ASXL1: variants seen among roughly 807,000 people sequenced by gnomAD.
The protein encoded by ASXL1 is polycomb group protein ASXL1.
ASXL1 carries 65 observed loss-of-function variants against 89.1 expected under a neutral mutation model. The ratio of observed to expected loss-of-function variants is 0.73; its 90% confidence interval spans 0.60 to 0.90. The LOEUF (loss-of-function observed/expected upper bound fraction) is 0.90, where lower values mean the gene tolerates loss of function less well. Among genes scored for constraint, ASXL1 ranks in the 40% least tolerant of loss-of-function variants. ASXL1 has a pLI of 0.00. For missense variants in ASXL1, 1,786 were observed against 1,942.9 expected (o/e 0.92, Z 1.52); for synonymous variants, 739 against 746.9 (o/e 0.99, Z 0.17).
intron 4 of ASXL1, among the ~76,000 whole-genome samples, chr20:32,401,597 C>A (rs1360678237): frequency 6.7e-6 from 1 of 148,428 alleles, no homozygotes; most frequent in African/African-American, 2.5e-5. Flanking sequence ...CTCTCGTCAC[C>A]CAGACTAGGG....
intron 4 of ASXL1, among the ~76,000 whole-genome samples, chr20:32,418,144 C>T (rs1210228429): frequency 2.6e-5 from 4 of 151,870 alleles, no homozygotes; most frequent in Non-Finnish European, 5.9e-5. Flanking sequence ...AGCCACTGTA[C>T]TCCAGCCCAG....
chr20:32,359,989 G>T, intron 1 of ASXL1: 1 of 561,368 alleles, frequency 1.8e-6, no homozygotes, highest in Non-Finnish European at 3.2e-6. Context: ...TTGTAATTCA[G>T]TTTTAATGAT....
intron 10 of ASXL1, 45 bp downstream of exon 10, chr20:32,431,724 G>C (rs750439650): frequency 6.3e-7 from 1 of 1,584,274 alleles, no homozygotes; most frequent in South Asian, 1.1e-5. Context: ...CGCACCTGTC[G>C]TGTGGTGTTG....
In ASXL1 at chr20:32,436,118, G is replaced by C. The variant is rs766691864; in HGVS notation, c.3406G>C (p.Val1136Leu). ...TGACAGCATGTCAGAATCCCCACAA[G>C]TACCACTTACAAAAGACCAGAGCCA... The part of the protein sequence containing the change: ...HDDSMSESPQ[V>L]PLTKDQSHGS... Residue 1136 changes from valine (V) to leucine (L), a missense_variant, in exon 13 of 13, where the codon GTA becomes CTA. This residue lies in a region of ASXL1 where 1,418 missense variants were observed against 1,427.8 expected (regional missense o/e 0.99). Coordinates refer to ENST00000375687, the MANE Select transcript of ASXL1 (RefSeq NM_015338.6). The C allele has an allele frequency of 8.1e-6, 13 of 1,614,166 alleles. No homozygotes were observed. Among genetic ancestry groups the C allele is most frequent in the Non-Finnish European group, 1.1e-5 (13 of 1,180,038 alleles).
Position 32,433,299 on chromosome 20 carries a change from A to G in ASXL1, c.1101A>G (p.Lys367=), listed in dbSNP as rs2011584223. The stretch of plus-strand genomic sequence containing the variant: ...TGATTTGCAGGCTGGGTTTGACCAA[A>G]GAAGAGTCATTGCAGCAGAACGTGG... ...DYYGQKLGLT[K]EESLQQNVGQ... is the part of the protein sequence containing the mutation. The change falls in exon 12 of 13, where the codon AAA becomes AAG. Residue 367 remains lysine (K), a synonymous_variant. Coordinates refer to ENST00000375687, the MANE Select transcript of ASXL1 (RefSeq NM_015338.6). 1 of 1,614,202 alleles carries G rather than the reference A, an allele frequency of 6.2e-7. No homozygotes were observed.
chr20:32,363,890 A>G (rs920224769), intron 1 of ASXL1, among the ~76,000 whole-genome samples: 1 of 152,194 alleles, frequency 6.6e-6, no homozygotes, highest in Non-Finnish European at 1.5e-5. Context: ...AAGTTTGTAG[A>G]GTGTCACTGT....
At chr20:32,369,257 CT>C (rs974151155) in intron 4 of ASXL1, 134 bp downstream of exon 4, 114 of 867,336 alleles carry the variant, frequency 1.3e-4, no homozygotes, top group Middle Eastern at 5.8e-4. Flanking sequence ...TGATGTTTTT[CT>C]TTTTTTTAGA....
intron 5 of ASXL1, 34 bp from the exon 6 acceptor site, chr20:32,428,291 A>T: frequency 1.2e-6 from 2 of 1,614,200 alleles, no homozygotes; most frequent in Non-Finnish European, 1.7e-6. Flanking sequence ...CACAGCAGGC[A>T]CTAGGGACTA....
At chr20:32,378,120 G>A (rs2048419579) in intron 4 of ASXL1, among the ~76,000 whole-genome samples, 2 of 146,060 alleles carry the variant, frequency 1.4e-5, no homozygotes, top group African/African-American at 5.2e-5. Context: ...CTCCCAGGTA[G>A]TTGGGACTAC....
intron 1 of ASXL1, chr20:32,359,911 T>A (rs575274788): frequency 2.8e-6 from 2 of 708,484 alleles, no homozygotes; most frequent in Non-Finnish European, 5.3e-6. Flanking sequence ...TCCTAAGATC[T>A]GTCACACAGC....
At chr20:32,417,595 C>T (rs2049159651) in intron 4 of ASXL1, among the ~76,000 whole-genome samples, 1 of 152,024 alleles carries the variant, frequency 6.6e-6, no homozygotes, top group Non-Finnish European at 1.5e-5. Flanking sequence ...TGTTTTAATT[C>T]TTCTTTAGGA....
intron 4 of ASXL1, among the ~76,000 whole-genome samples, chr20:32,422,960 T>C (rs2011181963): frequency 6.6e-6 from 1 of 152,114 alleles, no homozygotes; most frequent in African/African-American, 2.4e-5. Flanking sequence ...ATGATGAAAA[T>C]TATTCTTGTA....
At chr20:32,382,063 C>T (rs2048497010) in intron 4 of ASXL1, among the ~76,000 whole-genome samples, 1 of 150,254 alleles carries the variant, frequency 6.7e-6, no homozygotes, top group African/African-American at 2.4e-5. Context: ...TCAAGTGATT[C>T]TCCTGCCCCA....
Position 32,436,451 on chromosome 20 carries a change from C to T in ASXL1, c.3739C>T (p.Arg1247Cys), listed in dbSNP as rs146747814. Residue 1247 changes from arginine to cysteine, a missense_variant, in exon 13 of 13, where the codon CGT (arginine) becomes TGT (cysteine). Coordinates refer to ENST00000375687, the MANE Select transcript of ASXL1 (RefSeq NM_015338.6). ...TAGTTGTGAAGATCAGAAGGAAGTC[C>T]GTGCTATGTCACAGGACAGTAATTC... ...SFSCEDQKEV[R>C]AMSQDSNSNA... 371 of 1,614,092 alleles carry T rather than the reference C, an allele frequency of 2.3e-4. No homozygotes were observed. In the African/African-American group the frequency reaches 3.9e-3, roughly 17 times the overall value.
intron 2 of ASXL1, among the ~76,000 whole-genome samples, chr20:32,367,056 T>C (rs1167138158): frequency 6.7e-6 from 1 of 149,956 alleles, no homozygotes; most frequent in Non-Finnish European, 1.5e-5. Flanking sequence ...TCTTTCTTTT[T>C]CCTCATCCTA....
chr20:32,433,034 G>C, intron 11 of ASXL1, 49 bp downstream of exon 11: 2 of 1,606,748 alleles, frequency 1.2e-6, no homozygotes, highest in South Asian at 2.2e-5. Context: ...TGAGGGGATA[G>C]AGGTAGATGG....
intron 4 of ASXL1, among the ~76,000 whole-genome samples, chr20:32,408,991 G>A (rs2049001655): frequency 6.7e-6 from 1 of 150,364 alleles, no homozygotes. Context: ...TTATTTTTTT[G>A]AGATGGCGTT....
rs768821760 is a variant in ASXL1, at chr20:32,433,595, T to C, written c.1397T>C (p.Leu466Pro). Residue 466 changes from leucine to proline, a missense_variant, in exon 12 of 13, where the codon CTG (leucine) becomes CCG (proline). Around this residue, in one of 3 missense-constraint regions of ASXL1, gnomAD observed 1,418 missense variants for 1,427.8 expected, o/e 0.99. Coordinates refer to ENST00000375687, the MANE Select transcript of ASXL1 (RefSeq NM_015338.6). ...TDPAGLSSPH[L>P]PGTSSAAPDL... The stretch of plus-strand genomic sequence containing the variant: ...CCAGCAGGGCTGAGCAGTCCCCATC[T>C]GCCAGGCACATCCTCTGCAGCACCC... 1 of 1,614,142 alleles carries C rather than the reference T, an allele frequency of 6.2e-7. No homozygotes were observed. The highest frequency in any genetic ancestry group is 8.5e-7 in the Non-Finnish European group (1 of 1,180,000).
In ASXL1 at chr20:32,433,572, A is replaced by G. The variant is rs2123260768; in HGVS notation, c.1374A>G (p.Pro458=). 2 of 1,614,212 alleles carry G rather than the reference A, an allele frequency of 1.2e-6. No individual in the cohort carries two copies. Among genetic ancestry groups the G allele is most frequent in the Non-Finnish European group, 1.7e-6 (2 of 1,180,042 alleles). The change falls in exon 12 of 13, where the codon CCA becomes CCG. Residue 458 remains proline (P), a synonymous_variant. Transcript: ENST00000375687. ...LYKDGEAKTD[P]AGLSSPHLPG... is the part of the protein sequence containing the mutation. ...AGGATGGGGAGGCTAAGACTGACCC[A>G]GCAGGGCTGAGCAGTCCCCATCTGC...
Sources: gnomAD v4.1 joint callset for allele counts (sites outside exome capture counted in the v4.1 genomes callset) on GRCh38, gnomAD v4.1.1 for gene constraint, gnomAD v4.1.1 regional missense constraint, MANE v1.5 for transcripts, NCBI Gene and HGNC (gene_info 2026-07-23, HGNC 2026-07-21) for gene names.